EPHA10: variants seen among roughly 807,000 people sequenced by gnomAD.
EPHA10 encodes the protein EPH receptor A10, also known as ephrin type-A receptor 10.
A neutral mutation model predicts 109.7 loss-of-function variants in EPHA10; 120 were observed. That is an observed-to-expected ratio of 1.09 (90% CI 0.94 to 1.27). The LOEUF (loss-of-function observed/expected upper bound fraction) is 1.27. Among genes scored for constraint, EPHA10 ranks in the 50% most tolerant of loss-of-function variants. The pLI, the probability that EPHA10 is intolerant of heterozygous loss-of-function variation, is 0.00. For missense variants in EPHA10, 1,396 were observed against 1,411.1 expected (o/e 0.99, Z 0.17); for synonymous variants, 640 against 618.9 (o/e 1.03, Z -0.51).
intron 5 of EPHA10, among the ~76,000 whole-genome samples, chr1:37,751,393 A>AC (rs1346841331): frequency 1.3e-5 from 2 of 150,864 alleles, no homozygotes; most frequent in African/African-American, 2.4e-5. Flanking sequence ...ATATGGTGAG[A>AC]CCCCATCTCT....
chr1:37,757,911 C>A (rs1444468645), intron 3 of EPHA10, among the ~76,000 whole-genome samples: 1 of 152,126 alleles, frequency 6.6e-6, no homozygotes, highest in African/African-American at 2.4e-5. Flanking sequence ...TACACAAATG[C>A]CCCCATCCAC....
At chr1:37,726,065 G>A (rs1424627243) in intron 8 of EPHA10, among the ~76,000 whole-genome samples, 1 of 152,222 alleles carries the variant, frequency 6.6e-6, no homozygotes, top group Non-Finnish European at 1.5e-5. Context: ...TCCCTGGGGC[G>A]CTCCTGTCCT....
At chr1:37,731,981 C>T (rs540282504) in intron 6 of EPHA10, among the ~76,000 whole-genome samples, 2 of 152,322 alleles carry the variant, frequency 1.3e-5, no homozygotes, top group East Asian at 3.9e-4. Flanking sequence ...AGCCCTGACA[C>T]ATGAAAGCCC....
chr1:37,764,935 C>T lies in EPHA10; in HGVS notation c.106+26G>A, dbSNP rs538181791. 1.4e-5 allele frequency: 22 copies of T among 1,580,702 alleles called. No homozygotes were observed. In the African/African-American group the frequency reaches 2.7e-4, roughly 19 times the overall value. ...CCCTATCTTTTGGTATGCCACGCTC[C>T]GAGCAGAGCTCACCAGTCTTCTCAC... On this transcript the variant is annotated intron_variant, in intron 1 of 16. Transcript: ENST00000373048. This position sits in a 1 kb window ranked among gnomAD's most constrained non-coding sequence, Gnocchi z 5.8.
intron 11 of EPHA10, 85 bp downstream of exon 11, chr1:37,721,575 G>A: frequency 3.6e-6 from 5 of 1,376,348 alleles, no homozygotes; most frequent in Non-Finnish European, 4.9e-6. Context: ...ACCTGGAGAG[G>A]CAGGGGCACT....
intron 8 of EPHA10, 29 bp from the exon 9 acceptor site, chr1:37,723,401 A>G (rs748973876): frequency 6.8e-6 from 11 of 1,612,394 alleles, no homozygotes; most frequent in Non-Finnish European, 9.3e-6. Context: ...TCATTCTTTC[A>G]GCCAGGCCAC....
chr1:37,715,761 C>T (rs1345099140), downstream of EPHA10: 2 of 409,082 alleles, frequency 4.9e-6, no homozygotes, highest in Non-Finnish European at 9.5e-6. Flanking sequence ...TCTCTACATA[C>T]CCAGGGCACC....
At chr1:37,729,822 G>A (rs964655186) in intron 7 of EPHA10, among the ~76,000 whole-genome samples, 1 of 151,690 alleles carries the variant, frequency 6.6e-6, no homozygotes, top group Non-Finnish European at 1.5e-5. Flanking sequence ...GCAGGGAGCT[G>A]TGATTGTGCC....
chr1:37,742,995 CTAATAATAATAATA>C (rs962402450), intron 5 of EPHA10, among the ~76,000 whole-genome samples: 4 of 151,512 alleles, frequency 2.6e-5, no homozygotes, highest in South Asian at 4.2e-4. Context: ...GACCTTGTCT[CTAATAATAATAATA>C]TAATAATAAT....
At chr1:37,753,383 A>C (rs1371382331) in intron 4 of EPHA10, among the ~76,000 whole-genome samples, 157 bp from the exon 5 acceptor site, 2 of 151,622 alleles carry the variant, frequency 1.3e-5, no homozygotes, top group East Asian at 3.9e-4. Context: ...CAGGGCGTTC[A>C]TCAAGGGACT....
Position 37,717,674 on chromosome 1 carries a change from T to C in EPHA10, c.*698A>G, listed in dbSNP as rs1000097682. 8.6e-6 allele frequency: 2 copies of C among 231,232 alleles called. No homozygotes were observed. The highest frequency in any genetic ancestry group is 2.2e-5 in the African/African-American group (1 of 45,226). The allele number at this position is 231,232 out of a possible 1,614,324, so 14.3% of individuals were successfully genotyped here. On this transcript the variant is annotated 3_prime_UTR_variant, in exon 17 of 17. Coordinates refer to ENST00000373048, the MANE Select transcript of EPHA10 (RefSeq NM_001099439.2). ...CCCCAGGGAGCACCAGGGCCTCTCA[T>C]GGCCCGGCCTGGCCAGGACTTTTGG...
intron 7 of EPHA10, among the ~76,000 whole-genome samples, chr1:37,728,630 T>A (rs1243778552): frequency 6.6e-6 from 1 of 152,074 alleles, no homozygotes; most frequent in Non-Finnish European, 1.5e-5. Flanking sequence ...GATGAGATCA[T>A]CTGCAGGGGC....
At chr1:37,758,859 T>C (rs1646410986) in intron 3 of EPHA10, among the ~76,000 whole-genome samples, 1 of 152,174 alleles carries the variant, frequency 6.6e-6, no homozygotes, top group South Asian at 2.1e-4. Flanking sequence ...TATGTGTCTA[T>C]CCAGGTCCTG....
Position 37,716,727 on chromosome 1 carries a change from C to G in EPHA10, c.*1645G>C, listed in dbSNP as rs1387890331. The G allele has an allele frequency of 8.6e-6, 2 of 232,774 alleles. No homozygotes were observed. Among genetic ancestry groups the G allele is most frequent in the African/African-American group, 2.2e-5 (1 of 45,268 alleles). 14.4% of individuals were successfully genotyped at this position (232,774 alleles called of 1,614,324 possible). ...CCTCTCTGCATGGACTCCTTTTGTC[C>G]GAGGCCTGCCATCTTGCCTGCCGAA... On this transcript the variant is annotated 3_prime_UTR_variant, in exon 17 of 17. Coordinates refer to ENST00000373048, the MANE Select transcript of EPHA10 (RefSeq NM_001099439.2).
intron 5 of EPHA10, among the ~76,000 whole-genome samples, chr1:37,747,552 C>CA (rs35864756): frequency 0.079 from 8,611 of 108,456 alleles, 740 homozygotes; most frequent in East Asian, 0.24. Context: ...GAAACTGTCT[C>CA]AAAAAAAAAA....
chr1:37,763,096 C>T (rs533165770), intron 1 of EPHA10, among the ~76,000 whole-genome samples: 10 of 152,268 alleles, frequency 6.6e-5, no homozygotes, highest in Admixed American at 1.3e-4. Flanking sequence ...TAACATATTA[C>T]CACAAATTTA....
intron 10 of EPHA10, 82 bp downstream of exon 10, chr1:37,722,959 G>A: frequency 6.3e-7 from 1 of 1,599,630 alleles, no homozygotes; most frequent in Non-Finnish European, 8.5e-7. Flanking sequence ...TCAGGATAGA[G>A]GTGTGGACAG....
At chr1:37,732,845 A>G (rs1378184979) in intron 6 of EPHA10, among the ~76,000 whole-genome samples, 5 of 121,258 alleles carry the variant, frequency 4.1e-5, no homozygotes. Context: ...TTTCAAATAT[A>G]GCCCTTTTAT....
In EPHA10 at chr1:37,754,508, C is replaced by A. The variant is rs764349788; in HGVS notation, c.851-138G>T. ...GGGGACTCAGCCACTCCAGTCAGCA[C>A]TGCCCCGTGGAGTGACTCCTGAACA... On this transcript the variant is annotated intron_variant, in intron 3 of 16. Coordinates refer to ENST00000373048, the MANE Select transcript of EPHA10 (RefSeq NM_001099439.2). The surrounding 1 kb of genome is among the most constrained non-coding windows in gnomAD (Gnocchi z 4.5). The A allele has an allele frequency of 4.5e-5, 35 of 774,400 alleles. No homozygotes were observed. Among genetic ancestry groups the A allele is most frequent in the Non-Finnish European group, 5.1e-5 (29 of 567,032 alleles). The allele number at this position is 774,400 out of a possible 1,614,324, so 48.0% of individuals were successfully genotyped here.
Sources: gnomAD v4.1 joint callset for allele counts (sites outside exome capture counted in the v4.1 genomes callset) on GRCh38, gnomAD v4.1.1 for gene constraint, Gnocchi (gnomAD v3.1) non-coding constraint, MANE v1.5 for transcripts, NCBI Gene and HGNC (gene_info 2026-07-23, HGNC 2026-07-21) for gene names.